ECPAS: variants seen among roughly 807,000 people sequenced by gnomAD.
ECPAS encodes proteasome adapter and scaffold protein ECM29.
ECPAS carries 70 observed loss-of-function variants against 255.1 expected under a neutral mutation model. That is an observed-to-expected ratio of 0.27 (90% CI 0.23 to 0.33). ECPAS has a LOEUF of 0.33. ECPAS is among the 10% of genes least tolerant of loss of function. The pLI, the probability that ECPAS is intolerant of heterozygous loss-of-function variation, is 1.00. For missense variants in ECPAS, 1,817 were observed against 2,206.4 expected (o/e 0.82, Z 3.54); for synonymous variants, 784 against 775.0 (o/e 1.01, Z -0.19).
At chr9:111,385,305 T>C (rs13295780) in intron 33 of ECPAS, 32 bp downstream of exon 33, 1 of 992,586 alleles carries the variant, frequency 1.0e-6, no homozygotes, top group Non-Finnish European at 1.5e-6. Context: ...TAACTTTTTG[T>C]ATATATAAAT....
At chr9:111,458,603 A>T (rs2098269642) in intron 2 of ECPAS, among the ~76,000 whole-genome samples, 1 of 141,400 alleles carries the variant, frequency 7.1e-6, no homozygotes. Context: ...CAGCCAGGTG[A>T]TTAGGGGAGG....
intron 10 of ECPAS, 66 bp from the exon 11 acceptor site, chr9:111,425,894 A>C: frequency 1.3e-6 from 1 of 797,158 alleles, no homozygotes. Flanking sequence ...TTTGAATAGT[A>C]ATCAGAATTC....
chr9:111,424,037 A>T (rs185865519), intron 12 of ECPAS, among the ~76,000 whole-genome samples: 44 of 152,258 alleles, frequency 2.9e-4, no homozygotes, highest in Non-Finnish European at 5.6e-4. Flanking sequence ...ATTTAAATAT[A>T]CAGCTTCTCC....
chr9:111,406,598 T>C lies in ECPAS; in HGVS notation c.2652+1973A>G, dbSNP rs924006182. On this transcript the variant is annotated intron_variant, in intron 24 of 49. Transcript: ENST00000684092. ...TTGATCATTACACATTGTATGCTTGTATCAATTTAAAAAATTAAAAATGGG... is the reference window on the plus strand; with the variant it reads ...TTGATCATTACACATTGTATGCTTGCATCAATTTAAAAAATTAAAAATGGG... 2.7e-5 allele frequency among the ~76,000 whole-genome samples: 4 copies of C among 149,824 alleles called. 1 individual carries two copies. Among genetic ancestry groups the C allele is most frequent in the African/African-American group, 5.1e-5 (2 of 39,484 alleles).
At chr9:111,409,941 C>A (rs747169186) in intron 23 of ECPAS, 100 bp downstream of exon 23, 6 of 860,842 alleles carry the variant, frequency 7.0e-6, no homozygotes, top group Non-Finnish European at 8.9e-6. Flanking sequence ...AATCCTTCCT[C>A]CAGCTGTAAT....
intron 1 of ECPAS, among the ~76,000 whole-genome samples, chr9:111,474,164 G>A (rs2098293266): frequency 6.6e-6 from 1 of 152,076 alleles, no homozygotes; most frequent in African/African-American, 2.4e-5. Context: ...GAACAACATG[G>A]GGGCTCAATA....
chr9:111,362,987 AC>A (rs1173285432), intron 49 of ECPAS, among the ~76,000 whole-genome samples: 1 of 152,150 alleles, frequency 6.6e-6, no homozygotes, highest in Non-Finnish European at 1.5e-5. Flanking sequence ...TGCAGGAAAA[AC>A]GTTTCCATCT....
chr9:111,430,695 T>C, intron 8 of ECPAS, 67 bp from the exon 9 acceptor site: 1 of 951,390 alleles, frequency 1.1e-6, no homozygotes, highest in Non-Finnish European at 1.6e-6. Flanking sequence ...TTCAAAAAAA[T>C]TATAGCCCCA....
chr9:111,370,413 C>T (rs759672905), intron 45 of ECPAS, 22 bp downstream of exon 45: 2 of 1,486,530 alleles, frequency 1.3e-6, no homozygotes, highest in Non-Finnish European at 1.8e-6. Flanking sequence ...TAAACCAGAA[C>T]TGAGGATACA....
intron 24 of ECPAS, among the ~76,000 whole-genome samples, chr9:111,404,747 C>CTAA (rs2098181398): frequency 7.7e-6 from 1 of 130,560 alleles, no homozygotes; most frequent in Non-Finnish European, 1.5e-5. Flanking sequence ...CGAGAACAGA[C>CTAA]TAATATGCCA....
chr9:111,458,002 G>A (rs1306707540), intron 2 of ECPAS, among the ~76,000 whole-genome samples: 1 of 152,032 alleles, frequency 6.6e-6, no homozygotes, highest in Non-Finnish European at 1.5e-5. Context: ...TAGATTTTGT[G>A]TGCATATACA....
intron 9 of ECPAS, among the ~76,000 whole-genome samples, chr9:111,430,123 T>C (rs1015281596): frequency 6.6e-6 from 1 of 152,212 alleles, no homozygotes; most frequent in Non-Finnish European, 1.5e-5. Context: ...ATCAAAGGAA[T>C]ATATTTTGTA....
At chr9:111,388,573 T>C (rs1197572620) in intron 31 of ECPAS, among the ~76,000 whole-genome samples, 1 of 151,994 alleles carries the variant, frequency 6.6e-6, no homozygotes, top group East Asian at 1.9e-4. Flanking sequence ...GTAAAGCTAC[T>C]AAAGGATTTT....
At chr9:111,401,061 G>C (rs1433589343) in intron 24 of ECPAS, among the ~76,000 whole-genome samples, 1 of 152,144 alleles carries the variant, frequency 6.6e-6, no homozygotes, top group Non-Finnish European at 1.5e-5. Flanking sequence ...GATACGTCTG[G>C]TGACAGAAAC....
chr9:111,407,802 T>G (rs1039857903), intron 24 of ECPAS, among the ~76,000 whole-genome samples: 5 of 152,218 alleles, frequency 3.3e-5, no homozygotes, highest in Admixed American at 2.6e-4. Flanking sequence ...CAATATTTAC[T>G]GAGGTCCTAC....
chr9:111,431,046 G>A (rs2098229173), intron 8 of ECPAS, among the ~76,000 whole-genome samples: 1 of 152,112 alleles, frequency 6.6e-6, no homozygotes, highest in Admixed American at 6.5e-5. Context: ...AAGTGATAAG[G>A]AAAGTGACAA....
intron 1 of ECPAS, among the ~76,000 whole-genome samples, chr9:111,474,383 T>G (rs539818593): frequency 1.2e-4 from 18 of 152,338 alleles, no homozygotes; most frequent in Non-Finnish European, 2.2e-4. Flanking sequence ...CAACAATTTC[T>G]CCCTATTTTA....
intron 42 of ECPAS, 51 bp from the exon 43 acceptor site, chr9:111,371,880 A>G: frequency 6.7e-7 from 1 of 1,492,916 alleles, no homozygotes; most frequent in South Asian, 1.2e-5. Flanking sequence ...AAATTAACTG[A>G]TTTTTCTAAA....
intron 2 of ECPAS, among the ~76,000 whole-genome samples, chr9:111,454,368 A>G (rs893903014): frequency 1.3e-5 from 2 of 152,124 alleles, no homozygotes; most frequent in African/African-American, 4.8e-5. Context: ...GTTCCTTTTC[A>G]TGCAATCATT....
Sources: gnomAD v4.1 joint callset for allele counts (sites outside exome capture counted in the v4.1 genomes callset) on GRCh38, gnomAD v4.1.1 for gene constraint, MANE v1.5 for transcripts, NCBI Gene and HGNC (gene_info 2026-07-23, HGNC 2026-07-21) for gene names.